Variants in BRDT observed in about 807,000 individuals in gnomAD.
The protein encoded by BRDT is bromodomain testis associated, also known as bromodomain testis-specific protein.
In BRDT, 77 loss-of-function variants were observed where a neutral mutation model predicts 113.9. The ratio of observed to expected loss-of-function variants is 0.68; its 90% CI spans 0.56 to 0.82. The LOEUF (loss-of-function observed/expected upper bound fraction) is 0.82, where lower values mean the gene tolerates loss of function less well. Ranked by LOEUF, BRDT falls within the 40% of genes least tolerant of loss-of-function variation. The probability of loss-of-function intolerance (pLI) is 0.00; values close to 1 mark genes in which losing one functional copy is unlikely to be tolerated. For missense variants in BRDT, 1,027 were observed against 1,105.4 expected, an observed-to-expected ratio of 0.93 and a Z score of 1.01; for synonymous variants, 358 against 366.5, an observed-to-expected ratio of 0.98 and a Z score of 0.26.
At chr1:91,998,831 A>G (rs1021489675) in intron 15 of BRDT, among the ~76,000 whole-genome samples, 2 of 152,364 alleles carry the variant, frequency 1.3e-5, no homozygotes, top group Non-Finnish European at 1.5e-5. Flanking sequence ...AGGAAGCAAC[A>G]TGAATGTGAA....
Position 91,968,266 on chromosome 1 carries a change from G to A in BRDT, c.445+6G>A. The A allele has an allele frequency of 6.2e-7, 1 of 1,613,666 alleles. No individual in the cohort carries two copies. On this transcript the variant is annotated splice_donor_region_variant and intron_variant, in intron 4 of 18. Transcript: ENST00000399546. ...TAAGGAAAGAATCAAGAAAGGTAAGGCAGGAGGTAAACACTTTATGGTTCT... is the reference window on the plus strand; with the variant it reads ...TAAGGAAAGAATCAAGAAAGGTAAGACAGGAGGTAAACACTTTATGGTTCT...
chr1:91,956,790 A>G (rs1681816875), intron 1 of BRDT, among the ~76,000 whole-genome samples: 1 of 152,066 alleles, frequency 6.6e-6, no homozygotes, highest in Admixed American at 6.6e-5. Context: ...TCCTGAAAAA[A>G]TAATTAACCA....
chr1:91,993,987 C>T, intron 14 of BRDT, 96 bp from the exon 15 acceptor site: 1 of 976,828 alleles, frequency 1.0e-6, no homozygotes, highest in Non-Finnish European at 1.5e-6. Flanking sequence ...AAAAAGGTAG[C>T]ATTAAATTAT....
chr1:91,968,726 CTAA>C (rs1295755371), intron 4 of BRDT, among the ~76,000 whole-genome samples: 1 of 152,058 alleles, frequency 6.6e-6, no homozygotes, highest in East Asian at 1.9e-4. Context: ...ATCTTTACAA[CTAA>C]TAATCATATC....
intron 12 of BRDT, 136 bp downstream of exon 12, chr1:91,981,891 TGTTGACAATCTTAGTATTTTC>T: frequency 8.3e-7 from 1 of 1,209,622 alleles, no homozygotes; most frequent in South Asian, 1.9e-5. Flanking sequence ...TTTAATTGCA[TGTTGACAATCTTAGTATTTTC>T]CCTAAAAGAG....
intron 4 of BRDT, among the ~76,000 whole-genome samples, chr1:91,969,825 T>G (rs77366033): frequency 0.11 from 621 of 5,832 alleles, 5 homozygotes; most frequent in East Asian, 0.19. Flanking sequence ...GTGTGTGTGT[T>G]TTTTTTTTTT....
rs765483322 is a variant in BRDT at position 91,980,783 on chromosome 1, G to A, written c.1428G>A (p.Glu476=). Residue 476 remains glutamate (E), a synonymous_variant, in exon 9 of 19, where the codon GAG becomes GAA. Transcript: ENST00000399546. ...ATGAAAATCCAAGAAAAATGTGTGA[G>A]CAAATGAGGCTAAAGGAAAAGTCCA... is the stretch of plus-strand genomic sequence containing the variant. The part of the protein sequence containing the change: ...NSNENPRKMC[E]QMRLKEKSKR... 8.1e-6 allele frequency: 13 copies of A among 1,602,632 alleles called. No individual in the cohort carries two copies. The East Asian group carries it at 2.0e-4, about 25-fold the overall frequency.
chr1:91,982,451 T>C (rs1235134145), intron 12 of BRDT, among the ~76,000 whole-genome samples: 7 of 152,210 alleles, frequency 4.6e-5, no homozygotes. Context: ...GAATACTGAC[T>C]TGGCAGTGGT....
At chr1:91,958,122 C>T (rs377629405) in intron 1 of BRDT, among the ~76,000 whole-genome samples, 7 of 152,116 alleles carry the variant, frequency 4.6e-5, no homozygotes, top group Admixed American at 2.0e-4. Flanking sequence ...GGATTACAGG[C>T]GCGAGCCGCC....
intron 3 of BRDT, 107 bp downstream of exon 3, chr1:91,964,871 T>C (rs997419563): frequency 7.3e-6 from 6 of 819,730 alleles, no homozygotes; most frequent in Non-Finnish European, 8.8e-6. Context: ...TCGTTTGAGA[T>C]ACTTGACGTG....
Position 91,949,493 on chromosome 1 carries a change from G to A in BRDT, c.-227G>A, listed in dbSNP as rs1680800724. Reference sequence around the variant, plus strand: ...TGAAAGGGGCAATCACATAAGGTCGGTTTTGTAATATACAGGTAACATACA... The same window carrying A: ...TGAAAGGGGCAATCACATAAGGTCGATTTTGTAATATACAGGTAACATACA... On this transcript the variant is annotated 5_prime_UTR_variant, in exon 1 of 19. Transcript: ENST00000399546. 6.6e-6 allele frequency: 1 copy of A among 152,248 alleles called. No individual in the cohort carries two copies. The highest frequency in any genetic ancestry group is 2.4e-5 in the African/African-American group (1 of 41,456). 9.4% of individuals were successfully genotyped at this position (152,248 alleles called of 1,614,324 possible). A position where few individuals can be genotyped will look rare whatever the true frequency, so the allele number is the denominator to read the frequency against.
chr1:91,953,965 T>G (rs1166236188), intron 1 of BRDT, among the ~76,000 whole-genome samples: 2 of 152,094 alleles, frequency 1.3e-5, no homozygotes, highest in East Asian at 3.9e-4. Flanking sequence ...TACCTGTTTT[T>G]TTTGTTTGTT....
In BRDT at chr1:92,005,160, A is replaced by G; in HGVS notation, c.2636A>G (p.Lys879Arg). The change falls in exon 18 of 19, where the codon AAA becomes AGA. Residue 879 changes from lysine (K) to arginine (R), a missense_variant. Lys to Arg is a conservative substitution (Grantham distance 26, BLOSUM62 2). Transcript: ENST00000399546. The stretch of plus-strand genomic sequence containing the variant: ...TTGACTGTAGAATCTTTTTCAAATA[A>G]AATACAAAACAAGTGCTCTGGAGAA... ...NGLTVESFSN[K>R]IQNKCSGEEQ... 7.1e-6 allele frequency: 11 copies of G among 1,543,864 alleles called. No individual in the cohort carries two copies. The highest frequency in any genetic ancestry group is 9.5e-6 in the Non-Finnish European group (11 of 1,152,430).
At chr1:92,008,348 C>G (rs1687513799) in intron 18 of BRDT, among the ~76,000 whole-genome samples, 1 of 151,970 alleles carries the variant, frequency 6.6e-6, no homozygotes, top group Non-Finnish European at 1.5e-5. Context: ...TCTGAAAATG[C>G]CTTTATTTGG....
chr1:92,014,054 AT>A, intron 18 of BRDT, 151 bp from the exon 19 acceptor site: 1 of 524,080 alleles, frequency 1.9e-6, no homozygotes, highest in Non-Finnish European at 3.4e-6. Flanking sequence ...GTACAAATTT[AT>A]TGTTCAACCT....
At chr1:91,949,778 C>G (rs956312270) in intron 1 of BRDT, 96 bp downstream of exon 1, 4 of 152,214 alleles carry the variant, frequency 2.6e-5, no homozygotes, top group African/African-American at 9.7e-5. Context: ...CCCTAAATGT[C>G]TGGTTTTTCT....
chr1:91,979,534 A>T (rs12739569), intron 7 of BRDT, 35 bp from the exon 8 acceptor site: 52 of 1,572,414 alleles, frequency 3.3e-5, no homozygotes, highest in Non-Finnish European at 4.5e-5. Flanking sequence ...AATAAAAAAT[A>T]CAGAAAACCA....
Position 92,002,159 on chromosome 1 carries a change from ATTT to A in BRDT, c.2388+18_2388+20del. On this transcript the variant is annotated intron_variant, in intron 16 of 18. Transcript: ENST00000399546. ...AGCTCCTGTACAGAAGGTAAAAGTAATTTTTTTTTTCTAACAAATCTTGAAGGG... is the reference window on the plus strand; with the variant it reads ...AGCTCCTGTACAGAAGGTAAAAGTAATTTTTTTCTAACAAATCTTGAAGGG... 6.5e-7 allele frequency: 1 copy of A among 1,527,060 alleles called. No individual in the cohort carries two copies. The highest frequency in any genetic ancestry group is 9.0e-7 in the Non-Finnish European group (1 of 1,113,876). The allele number at this position is 1,527,060 out of a possible 1,614,324, so 94.6% of individuals were successfully genotyped here.
chr1:91,994,336 T>A, intron 15 of BRDT, 82 bp downstream of exon 15: 1 of 1,120,270 alleles, frequency 8.9e-7, no homozygotes, highest in Non-Finnish European at 1.3e-6. Context: ...ATGGTCATCT[T>A]AAATGTTAAA....
Sources: allele counts gnomAD v4.1 joint callset (sites outside exome capture counted in the v4.1 genomes callset), GRCh38; gene constraint gnomAD v4.1.1; transcripts MANE v1.5; gene names NCBI Gene and HGNC (gene_info 2026-07-23, HGNC 2026-07-21).